Variants in PDIA5 observed in about 807,000 individuals in gnomAD.
PDIA5 encodes the protein protein disulfide isomerase family A member 5, also known as protein disulfide-isomerase A5.
Under a neutral mutation model 77.6 loss-of-function variants are expected in PDIA5, and 58 were observed. The observed-to-expected ratio is 0.75, with a 90% confidence interval of 0.61 to 0.93. The LOEUF (loss-of-function observed/expected upper bound fraction) is 0.93, where lower values mean the gene tolerates loss of function less well. Among genes scored for constraint, PDIA5 ranks in the 40% least tolerant of loss-of-function variants. PDIA5 has a pLI of 0.00. For missense variants in PDIA5, 630 were observed against 647.7 expected (o/e 0.97, Z 0.30); for synonymous variants, 250 against 252.1 (o/e 0.99, Z 0.08).
At chr3:123,090,259 C>T (rs1252836657) in intron 2 of PDIA5, among the ~76,000 whole-genome samples, 1 of 152,204 alleles carries the variant, frequency 6.6e-6, no homozygotes, top group Non-Finnish European at 1.5e-5. Context: ...GACTAGCATT[C>T]CTCTGCTGTC....
chr3:123,106,686 A>C (rs945505798), intron 5 of PDIA5, 63 bp from the exon 6 acceptor site: 3 of 1,180,188 alleles, frequency 2.5e-6, no homozygotes, highest in Non-Finnish European at 3.8e-6. Context: ...CAGGTTCCTG[A>C]TTCCCCCACC....
intron 14 of PDIA5, among the ~76,000 whole-genome samples, chr3:123,152,270 T>C (rs111850218): frequency 0.038 from 5,763 of 150,156 alleles, 190 homozygotes; most frequent in African/African-American, 0.089. Context: ...GAGGGAGACA[T>C]GTCCCTGCCA....
chr3:123,086,820 G>T (rs1576436138), intron 1 of PDIA5, among the ~76,000 whole-genome samples: 1 of 152,264 alleles, frequency 6.6e-6, no homozygotes, highest in East Asian at 1.9e-4. Context: ...TTCTGAGAAA[G>T]GGTGCGCTGG....
intron 15 of PDIA5, 84 bp downstream of exon 15, chr3:123,155,125 CAG>C: frequency 4.2e-6 from 4 of 957,518 alleles, no homozygotes; most frequent in South Asian, 2.6e-5. Flanking sequence ...CTTCCCCAAA[CAG>C]GGGCAGGTCT....
intron 14 of PDIA5, among the ~76,000 whole-genome samples, chr3:123,151,738 G>GCCTGCCTT (rs1935898258): frequency 4.4e-5 from 3 of 67,888 alleles, no homozygotes; most frequent in African/African-American, 2.2e-4. Flanking sequence ...CTTCCTTCCT[G>GCCTGCCTT]CCTGCCTGCC....
chr3:123,106,941 C>A, intron 6 of PDIA5, 100 bp downstream of exon 6: 1 of 792,860 alleles, frequency 1.3e-6, no homozygotes, highest in Non-Finnish European at 2.1e-6. Flanking sequence ...TGGGACTATT[C>A]CAGGATCACT....
At chr3:123,145,690 C>T (rs753336373) in intron 12 of PDIA5, 98 bp downstream of exon 12, 14 of 1,002,960 alleles carry the variant, frequency 1.4e-5, no homozygotes, top group African/African-American at 3.2e-5. Flanking sequence ...CTGCAGCTCC[C>T]GTGGTCCGTG....
At chr3:123,092,556 T>C in intron 3 of PDIA5, 114 bp downstream of exon 3, 1 of 809,712 alleles carries the variant, frequency 1.2e-6, no homozygotes. Flanking sequence ...GAGGATGCGA[T>C]GGAAAGATTC....
intron 2 of PDIA5, among the ~76,000 whole-genome samples, chr3:123,091,769 A>G (rs1934290363): frequency 6.6e-6 from 1 of 152,206 alleles, no homozygotes; most frequent in Admixed American, 6.5e-5. Context: ...AATGTGGCTT[A>G]GGTGTCTTTG....
At chr3:123,153,065 C>T (rs932712694) in intron 14 of PDIA5, among the ~76,000 whole-genome samples, 1 of 152,010 alleles carries the variant, frequency 6.6e-6, no homozygotes, top group African/African-American at 2.4e-5. Flanking sequence ...CTGAAACAGC[C>T]CTCCCTCCCA....
At chr3:123,106,214 T>G (rs945445601) in intron 5 of PDIA5, among the ~76,000 whole-genome samples, 4 of 152,172 alleles carry the variant, frequency 2.6e-5, no homozygotes, top group African/African-American at 9.7e-5. Context: ...ATAATCAGGA[T>G]TTAATCCACT....
chr3:123,070,531 G>A (rs1269721873), intron 1 of PDIA5, among the ~76,000 whole-genome samples: 4 of 152,182 alleles, frequency 2.6e-5, no homozygotes, highest in African/African-American at 9.7e-5. Context: ...TCAAACACGT[G>A]GGACAGGTTA....
chr3:123,148,236 AAGTGCTCAGCAC>A, intron 13 of PDIA5, among the ~76,000 whole-genome samples: 1 of 152,212 alleles, frequency 6.6e-6, no homozygotes. Flanking sequence ...CTCCTGTGAA[AAGTGCTCAGCAC>A]AGGACATGAT....
At chr3:123,072,818 G>A (rs941348173) in intron 1 of PDIA5, among the ~76,000 whole-genome samples, 2 of 152,148 alleles carry the variant, frequency 1.3e-5, no homozygotes, top group African/African-American at 4.8e-5. Flanking sequence ...GAGTGACAAT[G>A]GGCCAGAAAT....
chr3:123,103,715 C>T (rs997749984), intron 5 of PDIA5, among the ~76,000 whole-genome samples: 4 of 152,220 alleles, frequency 2.6e-5, no homozygotes, highest in Admixed American at 2.0e-4. Context: ...CTACAGCGTT[C>T]ACCTTATATA....
intron 3 of PDIA5, among the ~76,000 whole-genome samples, chr3:123,096,305 C>T (rs1258169518): frequency 1.3e-5 from 2 of 152,080 alleles, no homozygotes; most frequent in African/African-American, 4.8e-5. Context: ...CTGAAGCCAT[C>T]CTCCCAGCTC....
At chr3:123,095,153 GA>G (rs1035627999) in intron 3 of PDIA5, among the ~76,000 whole-genome samples, 22 of 152,232 alleles carry the variant, frequency 1.4e-4, no homozygotes, top group Admixed American at 1.4e-3. Flanking sequence ...CCTCAGCTGT[GA>G]AATGGGACAG....
intron 1 of PDIA5, among the ~76,000 whole-genome samples, chr3:123,074,031 A>G (rs1164974769): frequency 6.6e-6 from 1 of 152,224 alleles, no homozygotes; most frequent in Non-Finnish European, 1.5e-5. Context: ...TTCTCATCAC[A>G]GGGTCTAGTC....
chr3:123,155,078 A>G, intron 15 of PDIA5, 37 bp downstream of exon 15: 1 of 1,356,014 alleles, frequency 7.4e-7, no homozygotes. Flanking sequence ...ATCTGCCTGC[A>G]GCTAATTCCT....
Sources: allele counts gnomAD v4.1 joint callset (sites outside exome capture counted in the v4.1 genomes callset), GRCh38; gene constraint gnomAD v4.1.1; transcripts MANE v1.5; gene names NCBI Gene and HGNC (gene_info 2026-07-23, HGNC 2026-07-21).